The following BAIAP2L1 variants were observed in gnomAD, a reference collection of about 807,000 sequenced individuals.
The protein encoded by BAIAP2L1 is BAR/IMD domain-containing adapter protein 2-like 1.
In BAIAP2L1, 35 loss-of-function variants were observed where a neutral mutation model predicts 66.3. That is an observed-to-expected ratio of 0.53 (90% CI 0.40 to 0.70). BAIAP2L1 has a LOEUF of 0.70. Ranked by LOEUF, BAIAP2L1 falls within the 30% of genes least tolerant of loss-of-function variation. The pLI is 0.00. For missense variants in BAIAP2L1, 622 were observed against 656.9 expected, an observed-to-expected ratio of 0.95 and a Z score of 0.58; for synonymous variants, 269 against 248.7, an observed-to-expected ratio of 1.08 and a Z score of -0.77.
chr7:98,375,883 TTTC>T (rs1802615708), intron 1 of BAIAP2L1, among the ~76,000 whole-genome samples: 1 of 152,182 alleles, frequency 6.6e-6, no homozygotes, highest in African/African-American at 2.4e-5. Context: ...TCTCATACCC[TTTC>T]TTTTCTCCCC....
At chr7:98,361,366 AAAAG>A (rs71515214) in intron 2 of BAIAP2L1, among the ~76,000 whole-genome samples, 17,911 of 151,530 alleles carry the variant, frequency 0.12, 1,289 homozygotes, top group South Asian at 0.23. Context: ...GGGAAAAAAA[AAAAG>A]AAAGAAAGAA....
intron 3 of BAIAP2L1, among the ~76,000 whole-genome samples, chr7:98,353,222 G>A (rs975738713): frequency 1.3e-5 from 2 of 150,578 alleles, no homozygotes; most frequent in African/African-American, 4.9e-5. Flanking sequence ...ACTGGGCTGG[G>A]TGAGGCCAGT....
intron 3 of BAIAP2L1, among the ~76,000 whole-genome samples, chr7:98,342,419 CAAGACA>C (rs1368821553): frequency 2.6e-5 from 4 of 152,108 alleles, no homozygotes; most frequent in African/African-American, 9.7e-5. Context: ...TGAGTATCAG[CAAGACA>C]AATCTATAAT....
chr7:98,322,176 T>A (rs775006756), intron 3 of BAIAP2L1, among the ~76,000 whole-genome samples: 6 of 151,920 alleles, frequency 3.9e-5, no homozygotes, highest in Non-Finnish European at 7.4e-5. Context: ...TGGTAGAATA[T>A]GGGGAGAGAG....
chr7:98,335,825 C>T (rs755503069), intron 3 of BAIAP2L1, among the ~76,000 whole-genome samples: 2 of 152,088 alleles, frequency 1.3e-5, no homozygotes, highest in Non-Finnish European at 2.9e-5. Flanking sequence ...GACACTGCAG[C>T]GGCACAGCCG....
intron 1 of BAIAP2L1, chr7:98,386,691 AGG>A: frequency 1.1e-5 from 4 of 352,098 alleles, no homozygotes; most frequent in Non-Finnish European, 1.5e-5. Context: ...AACTTTCCAA[AGG>A]TTTTTTTTTT....
chr7:98,317,464 C>T, intron 5 of BAIAP2L1, 108 bp from the exon 6 acceptor site: 1 of 1,387,240 alleles, frequency 7.2e-7, no homozygotes, highest in Admixed American at 1.8e-5. Flanking sequence ...GGCCCTGACA[C>T]CCTCACTTCA....
intron 3 of BAIAP2L1, among the ~76,000 whole-genome samples, chr7:98,340,302 T>C (rs987124241): frequency 6.6e-6 from 1 of 152,176 alleles, no homozygotes; most frequent in Non-Finnish European, 1.5e-5. Flanking sequence ...TTCTTTATTT[T>C]TTTGAGACAG....
rs111569565 is a variant in BAIAP2L1, at chr7:98,310,296, G to A, written c.955+149C>T. On this transcript the variant is annotated intron_variant, in intron 9 of 13. Coordinates refer to ENST00000005260, the MANE Select transcript of BAIAP2L1 (RefSeq NM_018842.5). ...AGTCCTGTATTTCTTCTGAACTCACGCTCTGCAAAGCCAGGGCTGAATGTA... is the reference window on the plus strand; with the variant it reads ...AGTCCTGTATTTCTTCTGAACTCACACTCTGCAAAGCCAGGGCTGAATGTA... The A allele has an allele frequency of 4.0e-5, 30 of 756,444 alleles. No individual in the cohort carries two copies. In the South Asian group the frequency reaches 4.8e-4, roughly 12 times the overall value. 46.9% of individuals were successfully genotyped at this position (756,444 alleles called of 1,614,324 possible).
At chr7:98,390,117 A>G (rs1014619925) in intron 1 of BAIAP2L1, among the ~76,000 whole-genome samples, 3 of 151,600 alleles carry the variant, frequency 2.0e-5, no homozygotes, top group Non-Finnish European at 4.4e-5. Context: ...GGGTTTCACC[A>G]TGTTAGCCAG....
rs556214040 is a variant in BAIAP2L1 at position 98,362,337 on chromosome 7, A to G, written c.127+20T>C. 7.0e-6 allele frequency: 11 copies of G among 1,563,718 alleles called. No homozygotes were observed. The highest frequency in any genetic ancestry group is 2.2e-5 in the East Asian group (1 of 44,640). ...TACTGAGTGGCTTTATATATAATCAATTCAGAAAAACAGACTTACCGTTTA... is the reference window on the plus strand; with the variant it reads ...TACTGAGTGGCTTTATATATAATCAGTTCAGAAAAACAGACTTACCGTTTA... On this transcript the variant is annotated intron_variant, in intron 2 of 13. Coordinates refer to ENST00000005260, the MANE Select transcript of BAIAP2L1 (RefSeq NM_018842.5).
rs1195465746 is a variant in BAIAP2L1, at chr7:98,320,250, C to A, written c.263G>T (p.Ser88Ile). 1.6e-5 allele frequency: 25 copies of A among 1,609,532 alleles called. No homozygotes were observed. The highest frequency in any genetic ancestry group is 2.0e-5 in the Non-Finnish European group (23 of 1,176,896). ...ISSTHKKLNE[S>I]LDENFKKFHK... ...CAGATCACGTACATTTTCATCAAGACTCTCGTTGAGTTTCTTGTGGGTACT... is the reference window on the plus strand; with the variant it reads ...CAGATCACGTACATTTTCATCAAGAATCTCGTTGAGTTTCTTGTGGGTACT... Residue 88 changes from serine (S) to isoleucine (I), a missense_variant, in exon 4 of 14, where the codon AGT becomes ATT. Ser to Ile is a moderately radical substitution (Grantham distance 142). Transcript: ENST00000005260.
intron 2 of BAIAP2L1, among the ~76,000 whole-genome samples, chr7:98,359,984 A>G (rs1422504875): frequency 6.7e-6 from 1 of 150,146 alleles, no homozygotes; most frequent in East Asian, 2.0e-4. Context: ...GTGCAGTGGC[A>G]TGATCTTGGC....
intron 3 of BAIAP2L1, among the ~76,000 whole-genome samples, chr7:98,328,238 G>A (rs767956830): frequency 3.9e-5 from 6 of 152,170 alleles, no homozygotes; most frequent in Non-Finnish European, 5.9e-5. Context: ...AGAAGGGCCA[G>A]GCACCACGAA....
At chr7:98,321,125 C>T (rs926108830) in intron 3 of BAIAP2L1, among the ~76,000 whole-genome samples, 1 of 152,178 alleles carries the variant, frequency 6.6e-6, no homozygotes, top group South Asian at 2.1e-4. Flanking sequence ...TCCCAAAGTG[C>T]TGGGATGACA....
chr7:98,396,882 C>T (rs1803221695), intron 1 of BAIAP2L1, among the ~76,000 whole-genome samples: 3 of 152,216 alleles, frequency 2.0e-5, no homozygotes, highest in Admixed American at 2.0e-4. Flanking sequence ...TGAAAAGTAT[C>T]ATCGGAGGGC....
At position 98,293,424 on chromosome 7, in the gene BAIAP2L1, C is replaced by G; in HGVS notation, c.*97G>C. The G allele has an allele frequency of 8.5e-7, 1 of 1,179,038 alleles. No individual in the cohort carries two copies. The highest frequency in any genetic ancestry group is 1.3e-5 in the South Asian group (1 of 79,494). The allele number at this position is 1,179,038 out of a possible 1,614,324, so 73.0% of individuals were successfully genotyped here. A position where few individuals can be genotyped will look rare whatever the true frequency, so the allele number is the denominator to read the frequency against. On this transcript the variant is annotated 3_prime_UTR_variant, in exon 14 of 14. Coordinates refer to ENST00000005260, the MANE Select transcript of BAIAP2L1 (RefSeq NM_018842.5). ...GCGACATTAGAGTTAGGCCTCTCCA[C>G]TGAAGCTTCCCGACCGTCAGCACGT...
At chr7:98,323,061 CAG>C (rs1205794129) in intron 3 of BAIAP2L1, 2 of 152,226 alleles carry the variant, frequency 1.3e-5, no homozygotes, top group African/African-American at 4.8e-5. Context: ...GGAGTAAAGA[CAG>C]AACCATCCCA....
chr7:98,341,200 G>A (rs544353066), intron 3 of BAIAP2L1, among the ~76,000 whole-genome samples: 24 of 152,144 alleles, frequency 1.6e-4, no homozygotes, highest in Non-Finnish European at 2.5e-4. Flanking sequence ...AATAATGATC[G>A]CATTATAAAT....
Sources: gnomAD v4.1 joint callset for allele counts (sites outside exome capture counted in the v4.1 genomes callset) on GRCh38, gnomAD v4.1.1 for gene constraint, MANE v1.5 for transcripts, NCBI Gene and HGNC (gene_info 2026-07-23, HGNC 2026-07-21) for gene names.